The following AKT1 variants were observed in gnomAD, a reference collection of about 807,000 sequenced individuals.
AKT1 encodes the protein AKT serine/threonine kinase 1, also known as RAC-alpha serine/threonine-protein kinase.
A neutral mutation model predicts 63.1 loss-of-function variants in AKT1; 21 were observed. That is an observed-to-expected ratio of 0.33 (90% CI 0.24 to 0.48). The LOEUF (loss-of-function observed/expected upper bound fraction) is 0.48. Ranked by LOEUF, AKT1 falls within the 20% of genes least tolerant of loss-of-function variation. The pLI, the probability that AKT1 is intolerant of heterozygous loss-of-function variation, is 0.99. For synonymous variants in AKT1, 257 were observed against 253.1 expected (o/e 1.02, Z -0.15); for missense variants, 382 against 666.0 (o/e 0.57, Z 4.69).
chr14:104,781,566 C>T (rs1011098931), intron 3 of AKT1, among the ~76,000 whole-genome samples: 6 of 151,668 alleles, frequency 4.0e-5, no homozygotes, highest in East Asian at 1.9e-4. Flanking sequence ...CACCAAGGCT[C>T]GACACATGGC....
chr14:104,777,693 T>A (rs1240307625), intron 4 of AKT1: 27 of 985,704 alleles, frequency 2.7e-5, no homozygotes, highest in Non-Finnish European at 3.3e-5. Flanking sequence ...TGGCCCAGCC[T>A]GTGCAAAGCA....
rs568759365 is a variant in AKT1, at chr14:104,769,819, A to T, written c.*522T>A. ...AGCCTCCGATGACGTCCTCAGAGAC[A>T]CGGCCTTAGTGCTGGGGGGCTGCTG... On this transcript the variant is annotated 3_prime_UTR_variant, in exon 15 of 15. Transcript: ENST00000649815. 2.6e-6 allele frequency: 1 copy of T among 390,928 alleles called. No homozygotes were observed. Among genetic ancestry groups the T allele is most frequent in the East Asian group, 5.0e-5 (1 of 19,892 alleles). The allele number at this position is 390,928 out of a possible 1,614,324, so 24.2% of individuals were successfully genotyped here.
intron 4 of AKT1, among the ~76,000 whole-genome samples, chr14:104,779,811 G>A (rs951053699): frequency 1.1e-4 from 16 of 147,140 alleles, no homozygotes; most frequent in Non-Finnish European, 2.1e-4. Context: ...CCTCGGCCTC[G>A]GGACTTGGAC....
Position 104,788,915 on chromosome 14 carries a change from G to A in AKT1, c.46+3683C>T, listed in dbSNP as rs61759770. ...CAGATGTCCGGAGACTGGACCCTCC[G>A]TGAGCCGCATGGACACACGGTCCCG... On this transcript the variant is annotated intron_variant, in intron 3 of 14. Transcript: ENST00000649815. 8.2e-3 allele frequency among the ~76,000 whole-genome samples: 1,252 copies of A among 152,288 alleles called. 4 individuals are homozygous for A. Among genetic ancestry groups the A allele is most frequent in the Non-Finnish European group, 0.014 (944 of 67,990 alleles).
At chr14:104,774,884 C>T in intron 8 of AKT1, 54 bp downstream of exon 8, 1 of 1,568,172 alleles carries the variant, frequency 6.4e-7, no homozygotes, top group Non-Finnish European at 8.7e-7. Context: ...AGAGACAGCC[C>T]CAGGAGTCGC....
chr14:104,784,613 A>G (rs1402160134), intron 3 of AKT1, among the ~76,000 whole-genome samples: 2 of 151,948 alleles, frequency 1.3e-5, no homozygotes, highest in Non-Finnish European at 2.9e-5. Flanking sequence ...TGGACCAAAT[A>G]CCGGGGTTCT....
chr14:104,785,780 C>T (rs184301518), intron 3 of AKT1, among the ~76,000 whole-genome samples: 71 of 152,258 alleles, frequency 4.7e-4, no homozygotes, highest in Non-Finnish European at 8.7e-4. Flanking sequence ...ACACACACCC[C>T]GGGAGGAACA....
chr14:104,770,028 A>C lies in AKT1; in HGVS notation c.*313T>G. On this transcript the variant is annotated 3_prime_UTR_variant, in exon 15 of 15. Transcript: ENST00000649815. ...TGGGCAGGACCTGCCCGGCCCCCCA[A>C]TGCCACATTGCGCATAGCTGCAGAA... is the stretch of plus-strand genomic sequence containing the variant. 6.2e-6 allele frequency: 3 copies of C among 481,740 alleles called. No individual in the cohort carries two copies. The highest frequency in any genetic ancestry group is 7.6e-6 in the Non-Finnish European group (2 of 264,084). 29.8% of individuals were successfully genotyped at this position (481,740 alleles called of 1,614,324 possible). A position where few individuals can be genotyped will look rare whatever the true frequency, so the allele number is the denominator to read the frequency against.
At chr14:104,773,230 G>C in intron 11 of AKT1, 21 bp downstream of exon 11, 12 of 1,614,090 alleles carry the variant, frequency 7.4e-6, no homozygotes, top group Non-Finnish European at 1.0e-5. Context: ...CAACGCGTAT[G>C]CACGCAGGTG....
chr14:104,775,502 G>A (rs1892649154), intron 6 of AKT1, 150 bp downstream of exon 6: 10 of 1,192,580 alleles, frequency 8.4e-6, no homozygotes, highest in Non-Finnish European at 1.1e-5. Flanking sequence ...CACCTGGGAA[G>A]CAGCTGCGCC....
At chr14:104,792,533 C>G in intron 3 of AKT1, 65 bp downstream of exon 3, 2 of 1,591,490 alleles carry the variant, frequency 1.3e-6, no homozygotes, top group South Asian at 2.2e-5. Context: ...CAGGCACTCA[C>G]AGACCCTGGG....
intron 3 of AKT1, among the ~76,000 whole-genome samples, chr14:104,781,045 TGCA>T (rs1893007706): frequency 6.6e-6 from 1 of 152,204 alleles, no homozygotes; most frequent in Non-Finnish European, 1.5e-5. Context: ...CCTCAAGTTT[TGCA>T]GCATCAGCCG....
chr14:104,780,761 C>T (rs1212190736), intron 3 of AKT1, among the ~76,000 whole-genome samples: 1 of 151,178 alleles, frequency 6.6e-6, no homozygotes, highest in Non-Finnish European at 1.5e-5. Flanking sequence ...GCATGGCGTC[C>T]ACAGTTAGAG....
intron 3 of AKT1, among the ~76,000 whole-genome samples, chr14:104,785,006 G>T (rs1893258720): frequency 6.6e-6 from 1 of 152,218 alleles, no homozygotes; most frequent in African/African-American, 2.4e-5. Flanking sequence ...GGCTGGCAGG[G>T]TGCCAGGCGG....
chr14:104,772,255 C>G (rs12590657), intron 13 of AKT1, 110 bp downstream of exon 13: 4 of 526,782 alleles, frequency 7.6e-6, no homozygotes, highest in East Asian at 1.3e-4. Flanking sequence ...CAGCAGGCTC[C>G]TGAGGTGAGG....
chr14:104,777,476 C>G, intron 4 of AKT1: 1 of 904,826 alleles, frequency 1.1e-6, no homozygotes, highest in Non-Finnish European at 1.3e-6. Context: ...ATCTAGACAC[C>G]TAGCCACATC....
chr14:104,770,977 C>G, intron 13 of AKT1, 130 bp from the exon 14 acceptor site: 1 of 760,666 alleles, frequency 1.3e-6, no homozygotes, highest in East Asian at 2.7e-5. Flanking sequence ...TGTCAGAGAG[C>G]AGCAAGCCAC....
intron 5 of AKT1, 158 bp from the exon 6 acceptor site, chr14:104,775,957 T>C: frequency 1.2e-6 from 1 of 827,028 alleles, no homozygotes; most frequent in Non-Finnish European, 1.9e-6. Context: ...TCTGGCCACA[T>C]ACACTCAGGG....
chr14:104,793,853 G>C (rs1893750758), intron 1 of AKT1: 2 of 152,198 alleles, frequency 1.3e-5, no homozygotes, highest in African/African-American at 2.4e-5. Context: ...CTTCCAGATG[G>C]GCCTTCCTGA....
Sources: gnomAD v4.1 joint callset for allele counts (sites outside exome capture counted in the v4.1 genomes callset) on GRCh38, gnomAD v4.1.1 for gene constraint, MANE v1.5 for transcripts, NCBI Gene and HGNC (gene_info 2026-07-23, HGNC 2026-07-21) for gene names.